Variants in MANBA observed in about 807,000 individuals in gnomAD.
MANBA encodes the protein beta-mannosidase.
Under a neutral mutation model 111.1 loss-of-function variants are expected in MANBA, and 83 were observed. The observed-to-expected ratio is 0.75, with a 90% CI of 0.63 to 0.90. The LOEUF is 0.90. Among genes scored for constraint, MANBA ranks in the 40% least tolerant of loss-of-function variants. MANBA has a pLI of 0.00. For missense variants in MANBA, 1,036 were observed against 1,069.0 expected (o/e 0.97, Z 0.43); for synonymous variants, 370 against 378.7 (o/e 0.98, Z 0.27).
rs185486004 is a variant in MANBA, at chr4:102,704,610, C to T, written c.673+9828G>A. Among the ~76,000 whole-genome samples the T allele has an allele frequency of 1.1e-4, 17 of 152,114 alleles. No homozygotes were observed. The East Asian group carries it at 3.3e-3, about 29-fold the overall frequency. ...TTTTCAGTAACTCTCACAGTGCCTG[C>T]CTCATAGTATATACCAAATAAATAC... On this transcript the variant is annotated intron_variant, in intron 5 of 16. Coordinates refer to ENST00000647097, the MANE Select transcript of MANBA (RefSeq NM_005908.4).
At chr4:102,647,027 T>C (rs1169456964) in intron 13 of MANBA, among the ~76,000 whole-genome samples, 1 of 151,772 alleles carries the variant, frequency 6.6e-6, no homozygotes, top group Admixed American at 6.6e-5. Flanking sequence ...TATGACAGAC[T>C]ATGAGAAAAA....
intron 4 of MANBA, 23 bp downstream of exon 4, chr4:102,722,848 C>T (rs558578694): frequency 1.1e-5 from 18 of 1,611,594 alleles, no homozygotes; most frequent in South Asian, 2.2e-5. Flanking sequence ...AAATAAAACC[C>T]GACCTGTTTG....
At chr4:102,659,194 G>A (rs892837677) in intron 11 of MANBA, among the ~76,000 whole-genome samples, 4 of 152,150 alleles carry the variant, frequency 2.6e-5, no homozygotes, top group Admixed American at 6.5e-5. Flanking sequence ...CATGGTGACC[G>A]TCTTGGAAGA....
intron 11 of MANBA, among the ~76,000 whole-genome samples, chr4:102,660,289 G>A (rs750655318): frequency 4.0e-5 from 6 of 151,808 alleles, no homozygotes; most frequent in Non-Finnish European, 7.4e-5. Context: ...TTCCATCACC[G>A]AATTTCCAAT....
chr4:102,685,483 C>G (rs901591292), intron 7 of MANBA, among the ~76,000 whole-genome samples: 2 of 150,144 alleles, frequency 1.3e-5, no homozygotes, highest in African/African-American at 5.0e-5. Flanking sequence ...GCATCCTTTC[C>G]TCCCATGTGT....
chr4:102,655,138 G>A (rs923150452), intron 12 of MANBA, among the ~76,000 whole-genome samples: 1 of 152,090 alleles, frequency 6.6e-6, no homozygotes, highest in Non-Finnish European at 1.5e-5. Flanking sequence ...AACCAAAGAA[G>A]CGTAAGACTG....
intron 13 of MANBA, among the ~76,000 whole-genome samples, chr4:102,645,151 T>C (rs1166187954): frequency 6.6e-6 from 1 of 152,028 alleles, no homozygotes; most frequent in Non-Finnish European, 1.5e-5. Flanking sequence ...ACTAATATGG[T>C]TTATTATACT....
chr4:102,706,515 G>A lies in MANBA; in HGVS notation c.673+7923C>T, dbSNP rs573227150. 5.3e-5 allele frequency among the ~76,000 whole-genome samples: 8 copies of A among 152,310 alleles called. 2 individuals are homozygous for A. Among genetic ancestry groups the A allele is most frequent in the African/African-American group, 1.9e-4 (8 of 41,578 alleles). ...AGAAGAAGTGGTTGTTATACCAGAT[G>A]CGTGGATATAAACATGAGGACACAA... is the stretch of plus-strand genomic sequence containing the variant. On this transcript the variant is annotated intron_variant, in intron 5 of 16. Transcript: ENST00000647097.
intron 5 of MANBA, among the ~76,000 whole-genome samples, chr4:102,697,139 T>G (rs1732751936): frequency 6.6e-6 from 1 of 152,030 alleles, no homozygotes; most frequent in African/African-American, 2.4e-5. Context: ...AGAAGAAAAT[T>G]TACTCAAGCA....
intron 7 of MANBA, among the ~76,000 whole-genome samples, chr4:102,683,152 A>G (rs949194809): frequency 1.3e-5 from 2 of 152,000 alleles, no homozygotes; most frequent in African/African-American, 4.8e-5. Flanking sequence ...TTTAAGAAAC[A>G]AAGAACAAAG....
At chr4:102,693,303 T>C (rs1460471747) in intron 5 of MANBA, among the ~76,000 whole-genome samples, 1 of 152,216 alleles carries the variant, frequency 6.6e-6, no homozygotes, top group Non-Finnish European at 1.5e-5. Context: ...AAACTTTTAT[T>C]GGAACACAGA....
intron 8 of MANBA, chr4:102,672,148 T>A (rs1731525333): frequency 2.5e-6 from 1 of 398,514 alleles, no homozygotes; most frequent in Non-Finnish European, 4.4e-6. Flanking sequence ...TTATGAAATC[T>A]AAAATAATAT....
chr4:102,678,086 TA>T (rs2110230511), intron 7 of MANBA, among the ~76,000 whole-genome samples: 1 of 152,270 alleles, frequency 6.6e-6, no homozygotes, highest in African/African-American at 2.4e-5. Flanking sequence ...ATTTGTTTCT[TA>T]ATATACATTA....
At chr4:102,734,852 C>T (rs560300538) in intron 1 of MANBA, among the ~76,000 whole-genome samples, 2 of 152,298 alleles carry the variant, frequency 1.3e-5, no homozygotes, top group African/African-American at 4.8e-5. Flanking sequence ...CTGAAACACA[C>T]TGTGACTGTA....
At chr4:102,752,814 G>C (rs1301426363) in intron 1 of MANBA, among the ~76,000 whole-genome samples, 2 of 152,090 alleles carry the variant, frequency 1.3e-5, no homozygotes, top group Admixed American at 1.3e-4. Flanking sequence ...ATTTATAATA[G>C]TTTGTGTTTA....
chr4:102,726,749 C>T, intron 1 of MANBA, 66 bp from the exon 2 acceptor site: 1 of 833,244 alleles, frequency 1.2e-6, no homozygotes, highest in Non-Finnish European at 2.1e-6. Context: ...ATAAAACAAA[C>T]ATAAAATAAA....
At chr4:102,724,542 C>CAA (rs11454438) in intron 2 of MANBA, among the ~76,000 whole-genome samples, 6 of 122,218 alleles carry the variant, frequency 4.9e-5, no homozygotes, top group South Asian at 2.7e-4. Context: ...GATTCCGTCT[C>CAA]AAAAAAAAAA....
At chr4:102,633,411 C>T (rs1578854119) in intron 16 of MANBA, 1 of 398,610 alleles carries the variant, frequency 2.5e-6, no homozygotes, top group Non-Finnish European at 4.4e-6. Flanking sequence ...TGGTTATCTT[C>T]GTTGGATTGG....
At chr4:102,746,502 C>A (rs1447039243) in intron 1 of MANBA, among the ~76,000 whole-genome samples, 1 of 152,186 alleles carries the variant, frequency 6.6e-6, no homozygotes, top group Non-Finnish European at 1.5e-5. Flanking sequence ...TAGGAGCAAC[C>A]AACCAGCTTT....
Sources: allele counts gnomAD v4.1 joint callset (sites outside exome capture counted in the v4.1 genomes callset), GRCh38; gene constraint gnomAD v4.1.1; transcripts MANE v1.5; gene names NCBI Gene and HGNC (gene_info 2026-07-23, HGNC 2026-07-21).